Variants in OLAH observed in about 807,000 individuals in gnomAD.
OLAH encodes the protein S-acyl fatty acid synthase thioesterase, medium chain.
Under a neutral mutation model 27.8 loss-of-function variants are expected in OLAH, and 33 were observed. The observed-to-expected ratio is 1.19, with a 90% CI of 0.90 to 1.59. OLAH has a LOEUF of 1.59. OLAH is among the 40% of genes most tolerant of loss of function. The pLI, the probability that OLAH is intolerant of heterozygous loss-of-function variation, is 0.00. For synonymous variants in OLAH, 120 were observed against 102.9 expected, an observed-to-expected ratio of 1.17 and a Z score of -1.01; for missense variants, 359 against 310.8, an observed-to-expected ratio of 1.16 and a Z score of -1.17.
upstream of OLAH, among the ~76,000 whole-genome samples, chr10:15,040,707 A>C (rs1231204927): frequency 6.6e-6 from 1 of 152,150 alleles, no homozygotes; most frequent in Non-Finnish European, 1.5e-5. Flanking sequence ...ACATGATAGG[A>C]ATTCCTTGTT....
intron 1 of OLAH, among the ~76,000 whole-genome samples, chr10:15,033,894 TA>T (rs979739683): frequency 5.9e-5 from 9 of 152,088 alleles, no homozygotes; most frequent in African/African-American, 1.9e-4. Flanking sequence ...CAAAGGCAAT[TA>T]AATTTCAACA....
Position 15,073,148 on chromosome 10 carries a change from T to C in OLAH, c.717T>C (p.Tyr239=). 6.2e-7 allele frequency: 1 copy of C among 1,612,466 alleles called. No individual in the cohort carries two copies. Among genetic ancestry groups the C allele is most frequent in the African/African-American group, 1.3e-5 (1 of 75,010 alleles). Residue 239 remains tyrosine (Y), a synonymous_variant, in exon 8 of 8, where the codon TAT becomes TAC. Coordinates refer to ENST00000378228, the MANE Select transcript of OLAH (RefSeq NM_001039702.3). ...KIYQLPGGHF[Y]LLDPANEKLI... Reference sequence around the variant, plus strand: ...ACCAGCTTCCAGGGGGTCACTTTTATCTTCTGGATCCTGCGAACGAGAAAT... The same window carrying C: ...ACCAGCTTCCAGGGGGTCACTTTTACCTTCTGGATCCTGCGAACGAGAAAT...
intron 1 of OLAH, among the ~76,000 whole-genome samples, chr10:15,045,461 C>T (rs1843996879): frequency 6.6e-6 from 1 of 152,116 alleles, no homozygotes; most frequent in African/African-American, 2.4e-5. Context: ...GAACTATTTC[C>T]AGGTAAAGTC....
intron 1 of OLAH, among the ~76,000 whole-genome samples, chr10:15,035,109 T>C (rs575891466): frequency 3.5e-4 from 54 of 152,166 alleles, no homozygotes; most frequent in African/African-American, 1.1e-3. Context: ...GGGTTGTTCA[T>C]TGAACTCCCA....
Position 15,067,882 on chromosome 10 carries a change from CTG to C in OLAH, c.572+2132_572+2133del, listed in dbSNP as rs544488429. ...ATTGTCAGCCGAGAAGTGCCAGAAGCTGTGACTACTTCAGCTCATATAATCTG... is the reference window on the plus strand; with the variant it reads ...ATTGTCAGCCGAGAAGTGCCAGAAGCTGACTACTTCAGCTCATATAATCTG... On this transcript the variant is annotated intron_variant, in intron 6 of 7. Coordinates refer to ENST00000378228, the MANE Select transcript of OLAH (RefSeq NM_001039702.3). Among the ~76,000 whole-genome samples, 40 of 152,320 alleles carry C rather than the reference CTG, an allele frequency of 2.6e-4. No individual in the cohort carries two copies. In the South Asian group the frequency reaches 6.8e-3, roughly 26 times the overall value.
chr10:15,054,292 TG>T (rs1844204209), intron 3 of OLAH, among the ~76,000 whole-genome samples: 1 of 152,056 alleles, frequency 6.6e-6, no homozygotes, highest in Non-Finnish European at 1.5e-5. Context: ...CCACCCGCCT[TG>T]GCCTCCCAAA....
At chr10:15,044,612 G>C (rs1292572263) in intron 1 of OLAH, among the ~76,000 whole-genome samples, 1 of 151,568 alleles carries the variant, frequency 6.6e-6, no homozygotes, top group African/African-American at 2.4e-5. Context: ...ATCCTTTAAC[G>C]TTTCTTTAAA....
At chr10:15,051,130 C>T (rs1181035782) in intron 3 of OLAH, among the ~76,000 whole-genome samples, 3 of 144,466 alleles carry the variant, frequency 2.1e-5, no homozygotes, top group Admixed American at 7.0e-5. Context: ...GGCTGGAGTG[C>T]GGTGGCATGA....
At chr10:15,067,636 T>C (rs1463442108) in intron 6 of OLAH, among the ~76,000 whole-genome samples, 5 of 152,208 alleles carry the variant, frequency 3.3e-5, no homozygotes, top group African/African-American at 7.2e-5. Flanking sequence ...GTGAGCCAAA[T>C]TGCAGTAGTT....
At chr10:15,040,741 G>A (rs1018403920), upstream of OLAH, among the ~76,000 whole-genome samples, 2 of 152,162 alleles carry the variant, frequency 1.3e-5, no homozygotes, top group African/African-American at 2.4e-5. Context: ...TAGGAAGCAA[G>A]GAGGATGCAA....
At chr10:15,047,525 T>C (rs944992436) in intron 2 of OLAH, 2 of 562,460 alleles carry the variant, frequency 3.6e-6, no homozygotes, top group Admixed American at 5.7e-5. Flanking sequence ...CAAAACCCTG[T>C]CTCTACTAAA....
At chr10:15,056,893 C>T (rs1044453970) in intron 3 of OLAH, 67 of 1,535,056 alleles carry the variant, frequency 4.4e-5, no homozygotes, top group Non-Finnish European at 1.4e-5. Context: ...CCTGCTTCAG[C>T]CTACCCATGT....
chr10:15,065,929 GA>G (rs1844458909), intron 6 of OLAH, among the ~76,000 whole-genome samples, 176 bp downstream of exon 6: 1 of 152,194 alleles, frequency 6.6e-6, no homozygotes, highest in Admixed American at 6.6e-5. Context: ...CCTAGGCACA[GA>G]AATTGTATCT....
At chr10:15,036,551 C>G (rs144267269) in intron 1 of OLAH, among the ~76,000 whole-genome samples, 1 of 152,148 alleles carries the variant, frequency 6.6e-6, no homozygotes, top group Admixed American at 6.5e-5. Flanking sequence ...TGCAGTGCCA[C>G]AACCACAGCT....
At chr10:15,072,101 T>C (rs1020765985) in intron 7 of OLAH, among the ~76,000 whole-genome samples, 6 of 152,052 alleles carry the variant, frequency 3.9e-5, no homozygotes, top group African/African-American at 1.4e-4. Flanking sequence ...ACCCGGCTAT[T>C]TTTTGTATTT....
At chr10:15,058,530 T>C (rs1475658936) in intron 3 of OLAH, among the ~76,000 whole-genome samples, 1 of 152,252 alleles carries the variant, frequency 6.6e-6, no homozygotes, top group Admixed American at 6.5e-5. Context: ...AAAACACTTT[T>C]CTACTTATCA....
chr10:15,056,034 G>A (rs1844238899), intron 3 of OLAH, among the ~76,000 whole-genome samples: 2 of 151,974 alleles, frequency 1.3e-5, no homozygotes, highest in African/African-American at 4.8e-5. Context: ...ATTTTTAGTA[G>A]AGACAGGATT....
At chr10:15,063,251 C>T (rs77732806) in intron 4 of OLAH, among the ~76,000 whole-genome samples, 187 of 152,228 alleles carry the variant, frequency 1.2e-3, no homozygotes, top group African/African-American at 4.1e-3. Context: ...CTCAGCCTCC[C>T]AAGTAGCTGA....
At chr10:15,064,098 G>A (rs925834587) in intron 4 of OLAH, among the ~76,000 whole-genome samples, 13 of 152,158 alleles carry the variant, frequency 8.5e-5, no homozygotes, top group East Asian at 3.8e-4. Flanking sequence ...TTTGAGAACT[G>A]CGGATATATA....
Sources: allele counts gnomAD v4.1 joint callset (sites outside exome capture counted in the v4.1 genomes callset), GRCh38; gene constraint gnomAD v4.1.1; transcripts MANE v1.5; gene names NCBI Gene and HGNC (gene_info 2026-07-23, HGNC 2026-07-21).